Variants in ENTREP2 observed in about 807,000 individuals in gnomAD.
The protein encoded by ENTREP2 is protein ENTREP2.
the ENTREP2 span, among the ~76,000 whole-genome samples, chr15:29,291,604 A>G: frequency 6.6e-6 from 1 of 152,332 alleles, no homozygotes; most frequent in South Asian, 2.1e-4. Context: ...AGCATGGTGG[A>G]TAAGCAGAAA....
chr15:29,238,037 C>T, the ENTREP2 span, among the ~76,000 whole-genome samples: 1 of 152,122 alleles, frequency 6.6e-6, no homozygotes, highest in Non-Finnish European at 1.5e-5. Flanking sequence ...GAATGAAGTA[C>T]TGATACATGC....
chr15:29,279,565 A>G, the ENTREP2 span, among the ~76,000 whole-genome samples: 5 of 152,138 alleles, frequency 3.3e-5, no homozygotes, highest in East Asian at 5.8e-4. Flanking sequence ...GGGTTTCACC[A>G]TGTTGGCCAG....
chr15:29,497,304 T>C, the ENTREP2 span, among the ~76,000 whole-genome samples: 1 of 152,216 alleles, frequency 6.6e-6, no homozygotes, highest in African/African-American at 2.4e-5. Flanking sequence ...AGACATTTTC[T>C]CTTCAATTTT....
At chr15:29,442,249 G>T in the ENTREP2 span, among the ~76,000 whole-genome samples, 1 of 152,174 alleles carries the variant, frequency 6.6e-6, no homozygotes, top group African/African-American at 2.4e-5. Context: ...TGGGGTCAGA[G>T]TGGAGATCAT....
the ENTREP2 span, among the ~76,000 whole-genome samples, chr15:29,395,260 T>C: frequency 6.6e-6 from 1 of 151,944 alleles, no homozygotes; most frequent in Admixed American, 6.6e-5. Context: ...CGTCTACAGA[T>C]GGATGCTTGG....
chr15:29,641,099 A>C, the ENTREP2 span, among the ~76,000 whole-genome samples: 1 of 152,192 alleles, frequency 6.6e-6, no homozygotes, highest in Admixed American at 6.5e-5. Flanking sequence ...AGATGCAAAA[A>C]AGCACTTGGT....
the ENTREP2 span, among the ~76,000 whole-genome samples, chr15:29,442,075 C>T: frequency 1.3e-5 from 2 of 152,174 alleles, no homozygotes; most frequent in Non-Finnish European, 2.9e-5. Flanking sequence ...TTGCTGTTGT[C>T]CCCCTGAAGC....
At chr15:29,201,435 A>G in the ENTREP2 span, among the ~76,000 whole-genome samples, 10 of 152,210 alleles carry the variant, frequency 6.6e-5, no homozygotes, top group Non-Finnish European at 2.9e-5. Flanking sequence ...TTTCAAGTTG[A>G]GGACGTTCTC....
At chr15:29,209,875 T>G in the ENTREP2 span, among the ~76,000 whole-genome samples, 2 of 152,106 alleles carry the variant, frequency 1.3e-5, no homozygotes, top group Non-Finnish European at 2.9e-5. Context: ...TGGCATCGGG[T>G]GGCTGCTCAC....
the ENTREP2 span, among the ~76,000 whole-genome samples, chr15:29,548,905 G>A: frequency 6.6e-6 from 1 of 152,174 alleles, no homozygotes; most frequent in Non-Finnish European, 1.5e-5. Context: ...TTTGGGCTGA[G>A]GAGGTGCTTG....
the ENTREP2 span, among the ~76,000 whole-genome samples, chr15:29,536,643 A>G: frequency 3.3e-5 from 5 of 151,790 alleles, no homozygotes; most frequent in Non-Finnish European, 7.4e-5. Context: ...AAACCCTAGT[A>G]CCTCAAAATC....
At chr15:29,221,241 G>A in the ENTREP2 span, among the ~76,000 whole-genome samples, 23 of 150,284 alleles carry the variant, frequency 1.5e-4, no homozygotes, top group African/African-American at 5.4e-4. Flanking sequence ...TAGCTCTGTC[G>A]CCCAGGCTGC....
chr15:29,396,924 G>C, the ENTREP2 span, among the ~76,000 whole-genome samples: 84,467 of 152,070 alleles, frequency 0.56, 26,121 homozygotes, highest in Admixed American at 0.68. Flanking sequence ...TTCAATAAAT[G>C]GTTCTGGGAT....
At chr15:29,655,279 C>G in the ENTREP2 span, among the ~76,000 whole-genome samples, 1 of 152,140 alleles carries the variant, frequency 6.6e-6, no homozygotes, top group African/African-American at 2.4e-5. Flanking sequence ...CAACCCTAAT[C>G]TATGCACAAG....
At chr15:29,344,927 C>T in the ENTREP2 span, among the ~76,000 whole-genome samples, 37 of 128,030 alleles carry the variant, frequency 2.9e-4, no homozygotes, top group Admixed American at 2.4e-3. Context: ...CACGCACGCG[C>T]GCAGACACAC....
the ENTREP2 span, among the ~76,000 whole-genome samples, chr15:29,272,842 T>C: frequency 6.6e-6 from 1 of 151,980 alleles, no homozygotes; most frequent in African/African-American, 2.4e-5. Flanking sequence ...CATCAAAAGG[T>C]GAAGTAGAGG....
the ENTREP2 span, among the ~76,000 whole-genome samples, chr15:29,531,641 T>C: frequency 6.6e-6 from 1 of 152,254 alleles, no homozygotes; most frequent in African/African-American, 2.4e-5. Flanking sequence ...CTTCAACATG[T>C]TGTTTGAAAT....
At chr15:29,327,722 A>C in the ENTREP2 span, among the ~76,000 whole-genome samples, 62 of 152,350 alleles carry the variant, frequency 4.1e-4, no homozygotes, top group African/African-American at 1.4e-3. Context: ...TTAAAGCAAC[A>C]ATAAGATACC....
the ENTREP2 span, among the ~76,000 whole-genome samples, chr15:29,590,443 G>A: frequency 2.6e-5 from 4 of 152,094 alleles, no homozygotes; most frequent in Admixed American, 6.6e-5. Context: ...AGCACTTTGC[G>A]AGGCCGAGGT....
Sources: gnomAD v4.1 joint callset for allele counts (sites outside exome capture counted in the v4.1 genomes callset) on GRCh38, gnomAD v4.1.1 for gene constraint, MANE v1.5 for transcripts, NCBI Gene and HGNC (gene_info 2026-07-23, HGNC 2026-07-21) for gene names.